Variants in PHF21A observed in about 807,000 individuals in gnomAD.
PHF21A encodes the protein BHC80a.
In PHF21A, 11 loss-of-function variants were observed where a neutral mutation model predicts 82.5. The ratio of observed to expected loss-of-function variants is 0.13; its 90% CI spans 0.08 to 0.22. PHF21A has a LOEUF of 0.22. PHF21A is among the 10% of genes least tolerant of loss of function. The pLI is 1.00. For missense variants in PHF21A, 579 were observed against 837.8 expected (o/e 0.69, Z 3.81); for synonymous variants, 297 against 302.8 (o/e 0.98, Z 0.20).
intron 6 of PHF21A, among the ~76,000 whole-genome samples, chr11:46,012,750 A>G (rs2095436343): frequency 6.6e-6 from 1 of 151,744 alleles, no homozygotes; most frequent in Non-Finnish European, 1.5e-5. Flanking sequence ...CCCACCAACA[A>G]CTCAAATCTG....
intron 11 of PHF21A, among the ~76,000 whole-genome samples, chr11:45,950,798 T>C (rs1301629733): frequency 1.3e-5 from 2 of 152,054 alleles, no homozygotes; most frequent in Non-Finnish European, 2.9e-5. Context: ...TGCAGAGAGT[T>C]TTAAAGAGCC....
rs909543942 is a variant in PHF21A, at chr11:45,929,336, C to T, written c.*4632G>A. The T allele has an allele frequency of 1.3e-5, 2 of 158,002 alleles. No individual in the cohort carries two copies. Among genetic ancestry groups the T allele is most frequent in the Admixed American group, 1.2e-4 (2 of 16,678 alleles). 9.8% of individuals were successfully genotyped at this position (158,002 alleles called of 1,614,324 possible). ...CATGAGGCTGAGAGGCTTTATTTGG[C>T]TTTATTTAGTAAAATGTTAAAATAA... is the stretch of plus-strand genomic sequence containing the variant. On this transcript the variant is annotated 3_prime_UTR_variant, in exon 19 of 19. Transcript: ENST00000676320.
At chr11:46,021,799 C>A (rs1003255368) in intron 6 of PHF21A, among the ~76,000 whole-genome samples, 2 of 152,198 alleles carry the variant, frequency 1.3e-5, no homozygotes, top group Non-Finnish European at 2.9e-5. Flanking sequence ...AAACCTTCCA[C>A]CTCAGCATCC....
At chr11:45,951,446 T>G (rs2092098209) in intron 11 of PHF21A, among the ~76,000 whole-genome samples, 1 of 152,254 alleles carries the variant, frequency 6.6e-6, no homozygotes, top group African/African-American at 2.4e-5. Context: ...ATATTATTTC[T>G]TATTTCAAAA....
At chr11:45,980,376 A>G (rs10444290) in intron 6 of PHF21A, among the ~76,000 whole-genome samples, 2,992 of 152,284 alleles carry the variant, frequency 0.02, 44 homozygotes, top group Non-Finnish European at 0.028. Context: ...TTATGAACCT[A>G]CCTGTGCCTC....
intron 1 of PHF21A, among the ~76,000 whole-genome samples, chr11:46,092,723 A>G (rs2096939633): frequency 6.7e-6 from 1 of 149,526 alleles, no homozygotes; most frequent in Non-Finnish European, 1.5e-5. Flanking sequence ...CAGAATTTTA[A>G]TTAAACTTTT....
rs1037050462 is a variant in PHF21A at position 45,989,093 on chromosome 11, C to G, written c.154-9127G>C. Among the ~76,000 whole-genome samples, 4 of 152,248 alleles carry G rather than the reference C, an allele frequency of 2.6e-5. No individual in the cohort carries two copies. The East Asian group carries it at 5.8e-4, about 22-fold the overall frequency. On this transcript the variant is annotated intron_variant, in intron 6 of 18. Transcript: ENST00000676320. ...GGGTGCAAGTTCCTCACAAGTGCAG[C>G]CTGCCAAAATAATTACTGATTAACT... is the stretch of plus-strand genomic sequence containing the variant.
At chr11:46,053,791 ATAAAT>A (rs2096406897) in intron 6 of PHF21A, among the ~76,000 whole-genome samples, 1 of 152,202 alleles carries the variant, frequency 6.6e-6, no homozygotes. Flanking sequence ...AATCAATCAC[ATAAAT>A]TATTCTTCTT....
In PHF21A at chr11:45,969,860, A is replaced by G. The variant is rs1218013154; in HGVS notation, c.657T>C (p.Phe219=). 6.2e-7 allele frequency: 1 copy of G among 1,613,890 alleles called. No homozygotes were observed. The highest frequency in any genetic ancestry group is 2.2e-5 in the East Asian group (1 of 44,882). ...TPPQPIKVPQ[F]IPPPRLTPRP... ...GTGGAGTGAGTCTAGGAGGGGGGAT[A>G]AACTGTGGTACTTTGATGGGCTGAG... The change falls in exon 9 of 19, where the codon TTT becomes TTC. Residue 219 remains phenylalanine (F), a synonymous_variant. Transcript: ENST00000676320.
At chr11:46,049,638 G>T in intron 6 of PHF21A, 1 of 374,422 alleles carries the variant, frequency 2.7e-6, no homozygotes, top group Non-Finnish European at 5.3e-6. Context: ...TCTCCTTGCT[G>T]GTTGCCAGCA....
intron 15 of PHF21A, among the ~76,000 whole-genome samples, 180 bp downstream of exon 15, chr11:45,945,660 T>C (rs1310282853): frequency 6.6e-6 from 1 of 152,156 alleles, no homozygotes; most frequent in Non-Finnish European, 1.5e-5. Context: ...CTCAAGGACA[T>C]GGAAGGCCTG....
chr11:46,108,221 A>T (rs1325227366), intron 1 of PHF21A, among the ~76,000 whole-genome samples: 1 of 152,194 alleles, frequency 6.6e-6, no homozygotes, highest in African/African-American at 2.4e-5. Flanking sequence ...TGCTCTCTTT[A>T]TAAGTAGCTA....
At chr11:45,935,432 G>C (rs2088683785) in intron 18 of PHF21A, 7 of 675,022 alleles carry the variant, frequency 1.0e-5, no homozygotes, top group Non-Finnish European at 1.8e-5. Flanking sequence ...ACAGAGCTTG[G>C]GTAAGGCACC....
chr11:45,987,764 A>C (rs1467969408), intron 6 of PHF21A, among the ~76,000 whole-genome samples: 1 of 151,788 alleles, frequency 6.6e-6, no homozygotes, highest in Non-Finnish European at 1.5e-5. Flanking sequence ...GCTCCAATAG[A>C]GCAAAACGTC....
At chr11:45,970,126 C>T in intron 8 of PHF21A, 1 of 479,094 alleles carries the variant, frequency 2.1e-6, no homozygotes, top group Non-Finnish European at 3.7e-6. Flanking sequence ...TTTCCTCCTA[C>T]ACCTAATGGA....
chr11:45,973,045 T>C (rs1162156211), intron 7 of PHF21A, among the ~76,000 whole-genome samples: 3 of 152,088 alleles, frequency 2.0e-5, no homozygotes, highest in Non-Finnish European at 4.4e-5. Flanking sequence ...ACCATTGCAC[T>C]CCAGCCTGGG....
chr11:46,080,186 T>C (rs573071095), intron 4 of PHF21A, among the ~76,000 whole-genome samples: 1 of 152,188 alleles, frequency 6.6e-6, no homozygotes, highest in African/African-American at 2.4e-5. Flanking sequence ...TGAGACAGGG[T>C]CTTGCTCTGT....
intron 1 of PHF21A, chr11:46,119,946 C>T (rs1180278289): frequency 6.8e-6 from 1 of 146,422 alleles, no homozygotes; most frequent in South Asian, 2.1e-4. Flanking sequence ...CCTGTCCGCC[C>T]CGGCCCGCTC....
rs1296241212 is a variant in PHF21A at position 45,931,957 on chromosome 11, A to C, written c.*2011T>G. The C allele has an allele frequency of 6.6e-6, 1 of 152,286 alleles. No homozygotes were observed. The highest frequency in any genetic ancestry group is 6.5e-5 in the Admixed American group (1 of 15,286). The allele number at this position is 152,286 out of a possible 1,614,324, so 9.4% of individuals were successfully genotyped here. On this transcript the variant is annotated 3_prime_UTR_variant, in exon 19 of 19. Coordinates refer to ENST00000676320, the MANE Select transcript of PHF21A (RefSeq NM_001352027.3). ...CAATTCTAGCCCAGGGTCACCCAGG[A>C]GGCTTGTGGGTGGGTGGAGTGGAGT...
Sources: allele counts gnomAD v4.1 joint callset (sites outside exome capture counted in the v4.1 genomes callset), GRCh38; gene constraint gnomAD v4.1.1; transcripts MANE v1.5; gene names NCBI Gene and HGNC (gene_info 2026-07-23, HGNC 2026-07-21).